Variants in KAZN observed in about 807,000 individuals in gnomAD.
KAZN encodes kazrin.
In KAZN, 40 loss-of-function variants were observed where a neutral mutation model predicts 87.4. That is an observed-to-expected ratio of 0.46 (90% confidence interval 0.36 to 0.60). KAZN has a LOEUF of 0.60. Among genes scored for constraint, KAZN ranks in the 20% least tolerant of loss-of-function variants. KAZN has a pLI of 0.00. For synonymous variants in KAZN, 466 were observed against 458.3 expected, an observed-to-expected ratio of 1.02 and a Z score of -0.22; for missense variants, 898 against 1,073.9, an observed-to-expected ratio of 0.84 and a Z score of 2.29.
chr1:14,194,527 G>A (rs1416774399), intron 2 of KAZN, among the ~76,000 whole-genome samples: 4 of 152,044 alleles, frequency 2.6e-5, no homozygotes, highest in Admixed American at 6.5e-5. Context: ...CCCCATCGTT[G>A]TCTGTGTCCC....
intron 2 of KAZN, among the ~76,000 whole-genome samples, chr1:15,023,379 T>C (rs2102175680): frequency 1.3e-5 from 2 of 151,964 alleles, no homozygotes; most frequent in African/African-American, 4.8e-5. Flanking sequence ...GAGAAAGGCA[T>C]GTTTGAATAA....
chr1:14,485,981 C>T lies in KAZN; in HGVS notation c.250-113002C>T, dbSNP rs141963185. Among the ~76,000 whole-genome samples the T allele has an allele frequency of 9.0e-3, 1,373 of 152,072 alleles. 15 individuals are homozygous for T. Among genetic ancestry groups the T allele is most frequent in the Non-Finnish European group, 0.014 (923 of 67,988 alleles). ...CTGCCCACAGGGTAGTCTTGCTCTG[C>T]GGGAGCAGTCATGGAGCTGTAACAC... is the stretch of plus-strand genomic sequence containing the variant. On this transcript the variant is annotated intron_variant, in intron 2 of 16. Transcript: ENST00000636203.
At chr1:14,032,992 A>G (rs1338016819) in intron 1 of KAZN, among the ~76,000 whole-genome samples, 1 of 152,146 alleles carries the variant, frequency 6.6e-6, no homozygotes, top group African/African-American at 2.4e-5. Flanking sequence ...CTTACTGAGC[A>G]ACTTGCAGGG....
At chr1:15,065,058 G>C (rs1354849732) in intron 7 of KAZN, among the ~76,000 whole-genome samples, 1 of 124,630 alleles carries the variant, frequency 8.0e-6, no homozygotes, top group South Asian at 2.8e-4. Flanking sequence ...TTGAGACGGA[G>C]TCTCACTCTG....
chr1:14,562,884 G>C (rs1043101969), intron 2 of KAZN, among the ~76,000 whole-genome samples: 1 of 152,216 alleles, frequency 6.6e-6, no homozygotes, highest in Admixed American at 6.5e-5. Flanking sequence ...TGATGGGCAA[G>C]CCAAATACTC....
In KAZN at chr1:14,856,407, C is replaced by T. The variant is rs1210477014; in HGVS notation, c.227-104277C>T. 6.6e-6 allele frequency among the ~76,000 whole-genome samples: 1 copy of T among 152,136 alleles called. No individual in the cohort carries two copies. Among genetic ancestry groups the T allele is most frequent in the Non-Finnish European group, 1.5e-5 (1 of 68,028 alleles). ...TGCTAAGGAATTTTGAAGAAGGAGG[C>T]AATATTTCCATAGGTGGCATAGCTA... is the stretch of plus-strand genomic sequence containing the variant. On this transcript the variant is annotated intron_variant, in intron 1 of 14. Coordinates refer to ENST00000376030, the MANE Select transcript of KAZN (RefSeq NM_201628.3). The surrounding 1 kb of genome is among the most constrained non-coding windows in gnomAD (Gnocchi z 5.2).
At chr1:13,926,148 A>G (rs920987593) in intron 1 of KAZN, among the ~76,000 whole-genome samples, 3 of 152,102 alleles carry the variant, frequency 2.0e-5, no homozygotes, top group Middle Eastern at 3.4e-3. Flanking sequence ...GCTTTCACCA[A>G]TTCTCTCCCA....
intron 2 of KAZN, among the ~76,000 whole-genome samples, chr1:14,451,584 A>AAGAG (rs5772582): frequency 0.028 from 4,095 of 148,606 alleles, 169 homozygotes; most frequent in African/African-American, 0.089. Flanking sequence ...CAGTTTCAGA[A>AAGAG]AGAGAGAGAG....
intron 1 of KAZN, among the ~76,000 whole-genome samples, chr1:13,900,520 G>A (rs2100837001): frequency 6.6e-6 from 1 of 152,346 alleles, no homozygotes; most frequent in African/African-American, 2.4e-5. Flanking sequence ...ACAGGGTGAA[G>A]TGGGGTCCTC....
chr1:14,684,228 G>A (rs1283674736), intron 1 of KAZN, among the ~76,000 whole-genome samples: 2 of 152,280 alleles, frequency 1.3e-5, no homozygotes, highest in South Asian at 2.1e-4. Flanking sequence ...CAGGGCAGTG[G>A]CTTTGCAGGT....
At chr1:13,930,408 T>C (rs1476200228) in intron 1 of KAZN, among the ~76,000 whole-genome samples, 2 of 152,200 alleles carry the variant, frequency 1.3e-5, no homozygotes, top group Non-Finnish European at 2.9e-5. Flanking sequence ...GTGCTTCCTA[T>C]AAGCCATTGG....
intron 1 of KAZN, among the ~76,000 whole-genome samples, chr1:13,913,711 AG>A (rs1282210402): frequency 2.0e-5 from 3 of 152,200 alleles, no homozygotes; most frequent in African/African-American, 4.8e-5. Flanking sequence ...GAAACCTTGG[AG>A]GGGGTGATCC....
chr1:14,258,139 C>T (rs973626343), intron 2 of KAZN, among the ~76,000 whole-genome samples: 158 of 149,316 alleles, frequency 1.1e-3, no homozygotes, highest in African/African-American at 3.6e-3. Flanking sequence ...AACCCTCCAC[C>T]GTCCCAAAAC....
At chr1:14,838,844 A>G (rs1647597299) in intron 1 of KAZN, among the ~76,000 whole-genome samples, 1 of 151,278 alleles carries the variant, frequency 6.6e-6, no homozygotes, top group African/African-American at 2.4e-5. Flanking sequence ...CTGATCTTGA[A>G]CTCCTGACCT....
intron 1 of KAZN, among the ~76,000 whole-genome samples, chr1:14,149,358 C>T (rs529596047): frequency 9.2e-5 from 14 of 152,092 alleles, no homozygotes; most frequent in South Asian, 6.2e-4. Flanking sequence ...CCACCTGCCT[C>T]GGCCTCCCAA....
intron 2 of KAZN, among the ~76,000 whole-genome samples, chr1:14,489,665 C>T (rs1669541253): frequency 6.6e-6 from 1 of 151,276 alleles, no homozygotes; most frequent in Non-Finnish European, 1.5e-5. Context: ...ACCTGGGAGG[C>T]AGAGTTTGCA....
chr1:14,186,767 A>G (rs1233543287), intron 2 of KAZN, among the ~76,000 whole-genome samples: 1 of 151,916 alleles, frequency 6.6e-6, no homozygotes, highest in African/African-American at 2.4e-5. Flanking sequence ...TAATTAATTT[A>G]CTCTGCCTGC....
intron 1 of KAZN, among the ~76,000 whole-genome samples, chr1:14,703,642 C>T (rs528584788): frequency 3.3e-5 from 5 of 152,264 alleles, no homozygotes; most frequent in South Asian, 2.1e-4. Context: ...CTTTGGGAGG[C>T]GTAGGCAGGA....
At chr1:14,956,031 A>T (rs72871897) in intron 1 of KAZN, among the ~76,000 whole-genome samples, 1 of 152,134 alleles carries the variant, frequency 6.6e-6, no homozygotes, top group African/African-American at 2.4e-5. Context: ...CTGAAATTCA[A>T]ATCTAACTGT....
Sources: allele counts gnomAD v4.1 joint callset (sites outside exome capture counted in the v4.1 genomes callset), GRCh38; gene constraint gnomAD v4.1.1; non-coding constraint Gnocchi (gnomAD v3.1); transcripts MANE v1.5; gene names NCBI Gene and HGNC (gene_info 2026-07-23, HGNC 2026-07-21).